The following WWOX variants were observed in gnomAD, a reference collection of about 807,000 sequenced individuals.
WWOX encodes the protein WW domain-containing oxidoreductase.
Under a neutral mutation model 46.2 loss-of-function variants are expected in WWOX, and 69 were observed. The ratio of observed to expected loss-of-function variants is 1.49; its 90% CI spans 1.23 to 1.82. The LOEUF (loss-of-function observed/expected upper bound fraction) is 1.82. Ranked by LOEUF, WWOX falls within the 40% of genes most tolerant of loss-of-function variation. The pLI, the probability that WWOX is intolerant of heterozygous loss-of-function variation, is 0.00. For synonymous variants in WWOX, 359 were observed against 202.6 expected, an observed-to-expected ratio of 1.77 and a Z score of -6.56; for missense variants, 919 against 542.6, an observed-to-expected ratio of 1.69 and a Z score of -6.89.
chr16:78,402,789 G>C (rs565157182), intron 6 of WWOX, among the ~76,000 whole-genome samples: 1 of 152,146 alleles, frequency 6.6e-6, no homozygotes, highest in Non-Finnish European at 1.5e-5. Flanking sequence ...GACTTCTCCT[G>C]ACCTCGGAAA....
chr16:78,106,992 C>G (rs866307671), intron 1 of WWOX, among the ~76,000 whole-genome samples: 1 of 152,202 alleles, frequency 6.6e-6, no homozygotes, highest in South Asian at 2.1e-4. Flanking sequence ...AAGACTTTGT[C>G]AAACAGACCA....
At chr16:78,723,644 C>A (rs565079994) in intron 8 of WWOX, among the ~76,000 whole-genome samples, 1 of 118,876 alleles carries the variant, frequency 8.4e-6, no homozygotes, top group East Asian at 2.3e-4. Flanking sequence ...CTTTTCTTTT[C>A]TTTTCTACCT....
At chr16:78,522,498 C>G (rs1032171731) in intron 8 of WWOX, among the ~76,000 whole-genome samples, 1 of 152,168 alleles carries the variant, frequency 6.6e-6, no homozygotes, top group Admixed American at 6.5e-5. Flanking sequence ...TCACTCTTCT[C>G]TGTCTTCTTC....
chr16:78,409,607 T>C (rs2082628517), intron 6 of WWOX, among the ~76,000 whole-genome samples: 1 of 152,230 alleles, frequency 6.6e-6, no homozygotes, highest in East Asian at 1.9e-4. Context: ...TCCATTGCTG[T>C]TGTAATAAAT....
chr16:78,227,395 A>G (rs2037099732), intron 5 of WWOX, among the ~76,000 whole-genome samples: 1 of 152,228 alleles, frequency 6.6e-6, no homozygotes, highest in Non-Finnish European at 1.5e-5. Context: ...CCATTGGAAC[A>G]CATGGGGACC....
chr16:78,578,939 T>A (rs1022319493), intron 8 of WWOX, among the ~76,000 whole-genome samples: 2 of 152,208 alleles, frequency 1.3e-5, no homozygotes, highest in African/African-American at 4.8e-5. Flanking sequence ...ATTGTTGATA[T>A]TACTTATGAA....
chr16:79,081,593 C>A (rs56160470), intron 8 of WWOX, among the ~76,000 whole-genome samples: 1 of 152,176 alleles, frequency 6.6e-6, no homozygotes, highest in Non-Finnish European at 1.5e-5. Flanking sequence ...AATCTTTACT[C>A]TCTTTGAGCC....
rs551517605 is a variant in WWOX at position 78,746,369 on chromosome 16, A to C, written c.1056+313617A>C. Among the ~76,000 whole-genome samples the C allele has an allele frequency of 2.6e-5, 4 of 152,222 alleles. No homozygotes were observed. The South Asian group carries it at 8.3e-4, about 32-fold the overall frequency. On this transcript the variant is annotated intron_variant, in intron 8 of 8. Coordinates refer to ENST00000566780, the MANE Select transcript of WWOX (RefSeq NM_016373.4). Reference sequence around the variant, plus strand: ...AAAAATTAGCTGGGAATGATGGTGCATGCCTGTAGTCTCAGCTACTTGGGA... The same window carrying C: ...AAAAATTAGCTGGGAATGATGGTGCCTGCCTGTAGTCTCAGCTACTTGGGA...
chr16:78,787,187 C>T (rs2050478724), intron 8 of WWOX, among the ~76,000 whole-genome samples: 1 of 152,092 alleles, frequency 6.6e-6, no homozygotes, highest in South Asian at 2.1e-4. Context: ...AAAAGTTCAC[C>T]ACTTTGACCA....
chr16:78,947,528 G>A (rs191774396), intron 8 of WWOX, among the ~76,000 whole-genome samples: 23 of 151,968 alleles, frequency 1.5e-4, no homozygotes, highest in African/African-American at 4.6e-4. Context: ...GGAGCCTTTC[G>A]GCTGGAAAGC....
At chr16:78,935,709 A>C (rs1020151056) in intron 8 of WWOX, among the ~76,000 whole-genome samples, 1 of 152,096 alleles carries the variant, frequency 6.6e-6, no homozygotes, top group Admixed American at 6.6e-5. Flanking sequence ...TACTTATGTA[A>C]CAAAGCTGCA....
chr16:78,328,706 G>A (rs1361325762), intron 5 of WWOX, among the ~76,000 whole-genome samples: 2 of 152,174 alleles, frequency 1.3e-5, no homozygotes, highest in Non-Finnish European at 2.9e-5. Flanking sequence ...CTTTTGACAA[G>A]CAGTCTGGGA....
chr16:78,838,913 G>C (rs1229455736), intron 8 of WWOX, among the ~76,000 whole-genome samples: 1 of 152,112 alleles, frequency 6.6e-6, no homozygotes, highest in Non-Finnish European at 1.5e-5. Flanking sequence ...GAGGAGTGGG[G>C]GGTGAGTGGG....
intron 8 of WWOX, among the ~76,000 whole-genome samples, chr16:79,046,575 C>A (rs1454103315): frequency 2.6e-5 from 4 of 152,220 alleles, no homozygotes; most frequent in Admixed American, 6.5e-5. Flanking sequence ...TGAGAGAGCT[C>A]ACCGGGGAGT....
intron 8 of WWOX, among the ~76,000 whole-genome samples, chr16:79,114,400 G>A (rs2049472993): frequency 6.6e-6 from 1 of 151,370 alleles, no homozygotes; most frequent in African/African-American, 2.4e-5. Context: ...GTATCTACAT[G>A]TATGCACATA....
intron 5 of WWOX, among the ~76,000 whole-genome samples, chr16:78,374,910 T>G (rs1049687853): frequency 2.6e-5 from 4 of 152,050 alleles, no homozygotes; most frequent in Non-Finnish European, 5.9e-5. Flanking sequence ...GGTCTCAAAC[T>G]GTTGACCTTA....
intron 8 of WWOX, among the ~76,000 whole-genome samples, chr16:79,124,758 C>T (rs1013013646): frequency 6.6e-6 from 1 of 152,112 alleles, no homozygotes. Flanking sequence ...TCAAGAGAAA[C>T]TAAATTGGTT....
intron 6 of WWOX, among the ~76,000 whole-genome samples, chr16:78,406,319 T>TATATATAA (rs2082537064): frequency 1.3e-5 from 1 of 77,598 alleles, no homozygotes; most frequent in Non-Finnish European, 2.2e-5. Context: ...TATATATATA[T>TATATATAA]ATATATATAT....
chr16:79,019,756 A>G (rs2047494098), intron 8 of WWOX, among the ~76,000 whole-genome samples: 1 of 152,086 alleles, frequency 6.6e-6, no homozygotes, highest in African/African-American at 2.4e-5. Flanking sequence ...CAGAGAGGGA[A>G]GAGAGCAAAG....
Sources: allele counts gnomAD v4.1 joint callset (sites outside exome capture counted in the v4.1 genomes callset), GRCh38; gene constraint gnomAD v4.1.1; transcripts MANE v1.5; gene names NCBI Gene and HGNC (gene_info 2026-07-23, HGNC 2026-07-21).